Variants in ZNF277 observed in about 807,000 individuals in gnomAD.
The protein encoded by ZNF277 is zinc finger protein 277, also known as nuclear receptor-interacting factor 4.
ZNF277 carries 55 observed loss-of-function variants against 60.7 expected under a neutral mutation model. The ratio of observed to expected loss-of-function variants is 0.91; its 90% confidence interval spans 0.73 to 1.13. The LOEUF (loss-of-function observed/expected upper bound fraction) is 1.13, where lower values mean the gene tolerates loss of function less well. ZNF277 is among the 50% of genes most tolerant of loss of function. The pLI, the probability that ZNF277 is intolerant of heterozygous loss-of-function variation, is 0.00. For synonymous variants in ZNF277, 178 were observed against 179.3 expected (o/e 0.99, Z 0.06); for missense variants, 510 against 523.0 (o/e 0.98, Z 0.24).
chr7:112,263,144 T>C (rs1791471564), intron 1 of ZNF277, among the ~76,000 whole-genome samples: 1 of 152,200 alleles, frequency 6.6e-6, no homozygotes, highest in South Asian at 2.1e-4. Context: ...TTTACTGTTG[T>C]TGGACAGTGG....
At chr7:112,253,759 T>C (rs1444842957) in intron 1 of ZNF277, among the ~76,000 whole-genome samples, 2 of 152,356 alleles carry the variant, frequency 1.3e-5, no homozygotes, top group African/African-American at 4.8e-5. Context: ...AAGGAGATTA[T>C]GCATCTTCTA....
chr7:112,307,681 A>T (rs917906552), intron 4 of ZNF277, among the ~76,000 whole-genome samples: 2 of 151,522 alleles, frequency 1.3e-5, no homozygotes, highest in Non-Finnish European at 2.9e-5. Context: ...TCCCAGTTGA[A>T]TTTTTTTGAT....
intron 4 of ZNF277, among the ~76,000 whole-genome samples, chr7:112,317,050 A>G (rs1792861733): frequency 2.0e-5 from 3 of 152,096 alleles, no homozygotes; most frequent in Admixed American, 2.0e-4. Context: ...CTAACACAGG[A>G]ACAGAAAACC....
intron 4 of ZNF277, among the ~76,000 whole-genome samples, chr7:112,298,837 T>C (rs114833235): frequency 0.013 from 1,960 of 152,272 alleles, 45 homozygotes; most frequent in African/African-American, 0.045. Context: ...GTGAATGAGG[T>C]GCAGAGCTAG....
chr7:112,237,092 C>T (rs1790815288), intron 1 of ZNF277, among the ~76,000 whole-genome samples: 1 of 151,978 alleles, frequency 6.6e-6, no homozygotes, highest in Non-Finnish European at 1.5e-5. Context: ...CTCAAAACTA[C>T]ACAAATATAT....
intron 7 of ZNF277, among the ~76,000 whole-genome samples, chr7:112,331,645 T>A (rs1202466415): frequency 6.6e-6 from 1 of 152,228 alleles, no homozygotes; most frequent in Non-Finnish European, 1.5e-5. Context: ...TCTAAGAGGT[T>A]GCCATGGTTT....
chr7:112,287,742 G>C (rs1048253897), intron 2 of ZNF277: 1 of 152,222 alleles, frequency 6.6e-6, no homozygotes, highest in East Asian at 1.9e-4. Context: ...GGCCAGGCCT[G>C]TCTCGAACTC....
intron 1 of ZNF277, among the ~76,000 whole-genome samples, chr7:112,266,310 C>A (rs2117031743): frequency 6.6e-6 from 1 of 152,186 alleles, no homozygotes; most frequent in South Asian, 2.1e-4. Flanking sequence ...CCACACCCAG[C>A]TGATTTTTGT....
At chr7:112,279,447 G>A (rs1426563314) in intron 1 of ZNF277, among the ~76,000 whole-genome samples, 1 of 152,012 alleles carries the variant, frequency 6.6e-6, no homozygotes, top group Non-Finnish European at 1.5e-5. Context: ...CCTTTCCCTG[G>A]TGATTAGCAC....
At chr7:112,266,941 G>T (rs1381178108) in intron 1 of ZNF277, among the ~76,000 whole-genome samples, 3 of 152,130 alleles carry the variant, frequency 2.0e-5, no homozygotes, top group Non-Finnish European at 4.4e-5. Flanking sequence ...TCCAATAACT[G>T]TAGGAATCAT....
chr7:112,285,824 A>G lies in ZNF277; in HGVS notation c.92-1049A>G, dbSNP rs1161155942. 2.6e-5 allele frequency among the ~76,000 whole-genome samples: 4 copies of G among 152,140 alleles called. No homozygotes were observed. In the East Asian group the frequency reaches 7.7e-4, roughly 29 times the overall value. On this transcript the variant is annotated intron_variant, in intron 1 of 11. Coordinates refer to ENST00000361822, the MANE Select transcript of ZNF277 (RefSeq NM_021994.3). ...CTTTAAAAAGAAGATAAAGTAAGGG[A>G]AAAAAATAGGAAACTTTAACGGGAG...
chr7:112,243,186 G>T (rs1791000351), intron 1 of ZNF277, among the ~76,000 whole-genome samples: 1 of 152,122 alleles, frequency 6.6e-6, no homozygotes, highest in Non-Finnish European at 1.5e-5. Flanking sequence ...ACTCAACATG[G>T]ATTAAAGACT....
chr7:112,295,761 T>G, intron 2 of ZNF277, 108 bp from the exon 3 acceptor site: 2 of 825,100 alleles, frequency 2.4e-6, no homozygotes, highest in Non-Finnish European at 3.9e-6. Context: ...TAAGTTAACA[T>G]TTGATTTGTT....
At chr7:112,302,692 A>G (rs969530426) in intron 4 of ZNF277, among the ~76,000 whole-genome samples, 1 of 152,080 alleles carries the variant, frequency 6.6e-6, no homozygotes, top group Non-Finnish European at 1.5e-5. Flanking sequence ...GAGCATCTTC[A>G]ACAAGGACTT....
intron 1 of ZNF277, among the ~76,000 whole-genome samples, chr7:112,266,922 T>C (rs929767227): frequency 1.3e-5 from 2 of 152,204 alleles, no homozygotes; most frequent in African/African-American, 4.8e-5. Flanking sequence ...AAAAAATACA[T>C]ACTTATATTC....
intron 4 of ZNF277, 44 bp from the exon 5 acceptor site, chr7:112,318,138 A>G (rs1197911074): frequency 6.6e-7 from 1 of 1,511,588 alleles, no homozygotes; most frequent in East Asian, 2.3e-5. Flanking sequence ...TTATTAGCCA[A>G]TTGTGCATTA....
intron 1 of ZNF277, among the ~76,000 whole-genome samples, chr7:112,222,924 GA>G (rs1382405820): frequency 6.6e-6 from 1 of 152,138 alleles, no homozygotes; most frequent in African/African-American, 2.4e-5. Context: ...AGAAAAATGT[GA>G]AAAGAGAGAC....
chr7:112,299,583 G>T (rs189643561), intron 4 of ZNF277, among the ~76,000 whole-genome samples: 4 of 152,266 alleles, frequency 2.6e-5, no homozygotes, highest in Admixed American at 2.6e-4. Context: ...CAGCTTGGTG[G>T]TTTTTTCCTT....
intron 1 of ZNF277, among the ~76,000 whole-genome samples, chr7:112,275,455 A>G (rs2117044376): frequency 6.6e-6 from 1 of 152,292 alleles, no homozygotes; most frequent in Middle Eastern, 3.4e-3. Context: ...CCTTCATTTC[A>G]TTTCCTTTTA....
Sources: allele counts gnomAD v4.1 joint callset (sites outside exome capture counted in the v4.1 genomes callset), GRCh38; gene constraint gnomAD v4.1.1; transcripts MANE v1.5; gene names NCBI Gene and HGNC (gene_info 2026-07-23, HGNC 2026-07-21).